The following NRG4 variants were observed in gnomAD, a reference collection of about 807,000 sequenced individuals.
NRG4 encodes the protein pro-neuregulin-4, membrane-bound isoform.
Under a neutral mutation model 15.0 loss-of-function variants are expected in NRG4, and 10 were observed. The observed-to-expected ratio is 0.67, with a 90% CI of 0.41 to 1.13. NRG4 has a LOEUF of 1.13. Ranked by LOEUF, NRG4 falls within the 50% of genes most tolerant of loss-of-function variation. The pLI, the probability that NRG4 is intolerant of heterozygous loss-of-function variation, is 0.00. For synonymous variants in NRG4, 41 were observed against 50.1 expected, an observed-to-expected ratio of 0.82 and a Z score of 0.77; for missense variants, 139 against 140.2, an observed-to-expected ratio of 0.99 and a Z score of 0.04.
upstream of NRG4, among the ~76,000 whole-genome samples, chr15:76,013,138 T>G (rs1198786758): frequency 6.6e-6 from 1 of 152,240 alleles, no homozygotes; most frequent in African/African-American, 2.4e-5. Context: ...ATTACTTGAC[T>G]GATGTAAAGC....
chr15:76,003,217 C>T (rs1037297023), intron 3 of NRG4, among the ~76,000 whole-genome samples: 2 of 151,980 alleles, frequency 1.3e-5, no homozygotes, highest in African/African-American at 4.8e-5. Context: ...ATAGAATTAA[C>T]AGATCAAAGA....
At chr15:75,986,696 TA>T (rs1282434288) in intron 3 of NRG4, among the ~76,000 whole-genome samples, 8 of 152,294 alleles carry the variant, frequency 5.3e-5, no homozygotes, top group Non-Finnish European at 8.8e-5. Context: ...ATTATCAATT[TA>T]AAAAAATTAT....
chr15:75,982,599 G>A (rs2033647601), intron 3 of NRG4, among the ~76,000 whole-genome samples: 2 of 152,298 alleles, frequency 1.3e-5, no homozygotes, highest in South Asian at 4.2e-4. Flanking sequence ...AAGAGATAAA[G>A]ACAGATTCTG....
intron 3 of NRG4, among the ~76,000 whole-genome samples, chr15:75,988,853 CTTTTTT>C (rs71444946): frequency 9.1e-6 from 1 of 109,652 alleles, no homozygotes; most frequent in Non-Finnish European, 1.9e-5. Flanking sequence ...CTGCACCTTC[CTTTTTT>C]TTTTTTTTTT....
intron 5 of NRG4, among the ~76,000 whole-genome samples, chr15:76,033,235 T>C (rs959558708): frequency 6.6e-6 from 1 of 152,206 alleles, no homozygotes. Context: ...TTGTTTTGTT[T>C]TGTTTTAGTT....
At chr15:76,006,059 G>C (rs1467470680) in intron 3 of NRG4, among the ~76,000 whole-genome samples, 3 of 152,258 alleles carry the variant, frequency 2.0e-5, no homozygotes, top group South Asian at 4.1e-4. Context: ...CAGATGATGA[G>C]AATTAGCCTC....
chr15:75,989,056 C>T (rs1452131505), intron 3 of NRG4, among the ~76,000 whole-genome samples: 4 of 151,942 alleles, frequency 2.6e-5, no homozygotes, highest in Non-Finnish European at 5.9e-5. Context: ...TGGGGTCTCA[C>T]TATGTTGTCC....
chr15:76,009,346 T>A lies in NRG4; in HGVS notation c.11-53A>T, dbSNP rs577836759. 1.5e-5 allele frequency: 12 copies of A among 795,134 alleles called. No homozygotes were observed. In the African/African-American group the frequency reaches 1.6e-4, roughly 11 times the overall value. 49.3% of individuals were successfully genotyped at this position (795,134 alleles called of 1,614,324 possible). On this transcript the variant is annotated intron_variant, in intron 2 of 5. Transcript: ENST00000394907. ...GAAAAGCAAATTAAAGTTTTCCTAA[T>A]GCAACAAGGAATAGGAATAACTATC...
chr15:75,954,910 A>G (rs1216199409), intron 5 of NRG4, among the ~76,000 whole-genome samples: 3 of 152,010 alleles, frequency 2.0e-5, no homozygotes, highest in African/African-American at 7.3e-5. Flanking sequence ...ATGCTTTTAC[A>G]GTTTATTAGG....
intron 5 of NRG4, among the ~76,000 whole-genome samples, chr15:75,948,885 CA>C (rs374263508): frequency 0.037 from 5,562 of 151,618 alleles, 135 homozygotes; most frequent in Middle Eastern, 0.068. Context: ...CTTGTCTCTA[CA>C]AAAAAAATGT....
intron 4 of NRG4, among the ~76,000 whole-genome samples, chr15:76,051,471 A>C (rs2036014752): frequency 6.6e-6 from 1 of 150,820 alleles, no homozygotes; most frequent in African/African-American, 2.5e-5. Context: ...TGTTATTTTT[A>C]AATCACAAAG....
intron 5 of NRG4, among the ~76,000 whole-genome samples, chr15:76,022,401 GAC>G: frequency 6.9e-6 from 1 of 145,308 alleles, no homozygotes; most frequent in South Asian, 2.3e-4. Context: ...TATTTTCACA[GAC>G]ACATATGTAT....
Position 76,011,288 on chromosome 15 carries a change from TA to T in NRG4, c.-56-3del. The stretch of plus-strand genomic sequence containing the variant: ...GAGAGTAGGGTTGAAAAACAGTACC[TA>T]AAACGGTTTAAAAAGTAATAATTCA... On this transcript the variant is annotated splice_region_variant and splice_polypyrimidine_tract_variant and intron_variant, in intron 1 of 5. Transcript: ENST00000394907. 7.6e-7 allele frequency: 1 copy of T among 1,318,044 alleles called. No individual in the cohort carries two copies. Among genetic ancestry groups the T allele is most frequent in the Non-Finnish European group, 9.9e-7 (1 of 1,010,062 alleles). The allele number at this position is 1,318,044 out of a possible 1,614,324, so 81.6% of individuals were successfully genotyped here.
At chr15:75,962,990 G>A (rs2032607953) in intron 3 of NRG4, among the ~76,000 whole-genome samples, 1 of 152,046 alleles carries the variant, frequency 6.6e-6, no homozygotes, top group African/African-American at 2.4e-5. Flanking sequence ...TTTTATCTCT[G>A]TTTCTTCCAC....
At chr15:76,005,906 G>A in intron 3 of NRG4, 1 of 265,014 alleles carries the variant, frequency 3.8e-6, no homozygotes, top group Non-Finnish European at 7.7e-6. Context: ...TGCAGACCAA[G>A]GAAGAAATGG....
At chr15:75,958,790 A>G (rs989093403) in intron 4 of NRG4, among the ~76,000 whole-genome samples, 2 of 152,100 alleles carry the variant, frequency 1.3e-5, no homozygotes, top group African/African-American at 4.8e-5. Flanking sequence ...GACTAGAAAT[A>G]TTTCTAAGTT....
chr15:75,981,569 C>T (rs1219689104), intron 3 of NRG4, among the ~76,000 whole-genome samples: 1 of 152,018 alleles, frequency 6.6e-6, no homozygotes, highest in Non-Finnish European at 1.5e-5. Context: ...GCCTAAGGGG[C>T]AGTAAGGAAA....
chr15:76,046,832 T>A (rs1205006107), intron 4 of NRG4, among the ~76,000 whole-genome samples: 1 of 150,896 alleles, frequency 6.6e-6, no homozygotes, highest in Non-Finnish European at 1.5e-5. Flanking sequence ...CTAAAAAGCT[T>A]CTGCACAAGG....
chr15:76,005,365 C>A (rs1257940833), intron 3 of NRG4, among the ~76,000 whole-genome samples: 1 of 139,088 alleles, frequency 7.2e-6, no homozygotes, highest in Non-Finnish European at 1.5e-5. Context: ...CTGGGCAACA[C>A]AGCAAGACTC....
Sources: allele counts gnomAD v4.1 joint callset (sites outside exome capture counted in the v4.1 genomes callset), GRCh38; gene constraint gnomAD v4.1.1; transcripts MANE v1.5; gene names NCBI Gene and HGNC (gene_info 2026-07-23, HGNC 2026-07-21).